Variants in FER1L6 observed in about 807,000 individuals in gnomAD.
FER1L6 encodes fer-1-like protein 6.
A neutral mutation model predicts 219.2 loss-of-function variants in FER1L6; 177 were observed. The ratio of observed to expected loss-of-function variants is 0.81; its 90% CI spans 0.71 to 0.91. The LOEUF is 0.91. Ranked by LOEUF, FER1L6 falls within the 40% of genes least tolerant of loss-of-function variation. FER1L6 has a pLI of 0.00. For synonymous variants in FER1L6, 768 were observed against 824.3 expected (o/e 0.93, Z 1.17); for missense variants, 2,153 against 2,259.9 (o/e 0.95, Z 0.96).
At chr8:124,004,627 A>T (rs1817575652) in intron 13 of FER1L6, among the ~76,000 whole-genome samples, 1 of 151,978 alleles carries the variant, frequency 6.6e-6, no homozygotes, top group South Asian at 2.1e-4. Flanking sequence ...TTGTCTTCAC[A>T]GACAACTTTT....
At chr8:123,965,947 A>G (rs1815514930) in intron 3 of FER1L6, 60 bp from the exon 4 acceptor site, 1 of 1,384,904 alleles carries the variant, frequency 7.2e-7, no homozygotes, top group East Asian at 2.4e-5. Context: ...GGAGAATATT[A>G]TCATGACTTA....
chr8:123,938,870 A>C (rs1586489472), intron 1 of FER1L6, among the ~76,000 whole-genome samples: 1 of 152,246 alleles, frequency 6.6e-6, no homozygotes, highest in South Asian at 2.1e-4. Flanking sequence ...TTGAGATGAC[A>C]CCTATTTCAA....
chr8:124,072,078 A>G (rs944045591), intron 31 of FER1L6, among the ~76,000 whole-genome samples: 1 of 152,130 alleles, frequency 6.6e-6, no homozygotes, highest in Non-Finnish European at 1.5e-5. Flanking sequence ...GGCTTTTCTG[A>G]GCATATAGGA....
chr8:123,857,930 C>G (rs1387364867), intron 1 of FER1L6, among the ~76,000 whole-genome samples: 1 of 152,166 alleles, frequency 6.6e-6, no homozygotes, highest in Non-Finnish European at 1.5e-5. Context: ...CATTTCACTC[C>G]AGAGTGGCCC....
chr8:124,099,275 C>T (rs559708359), intron 37 of FER1L6, among the ~76,000 whole-genome samples: 1 of 152,274 alleles, frequency 6.6e-6, no homozygotes, highest in East Asian at 1.9e-4. Context: ...AACTCCTGTT[C>T]CCGATGTGTA....
At chr8:123,886,130 C>G (rs1335648714) in intron 1 of FER1L6, among the ~76,000 whole-genome samples, 1 of 152,194 alleles carries the variant, frequency 6.6e-6, no homozygotes, top group African/African-American at 2.4e-5. Context: ...ATTATAATTG[C>G]TCGATTCCTT....
intron 28 of FER1L6, among the ~76,000 whole-genome samples, chr8:124,068,516 C>A (rs1382057900): frequency 6.6e-6 from 1 of 152,196 alleles, no homozygotes; most frequent in Non-Finnish European, 1.5e-5. Flanking sequence ...GCAGAGCCTA[C>A]TGCTAAAAAA....
At chr8:123,956,199 C>A (rs2130129071) in intron 2 of FER1L6, 125 bp downstream of exon 2, 1 of 847,538 alleles carries the variant, frequency 1.2e-6, no homozygotes. Context: ...CTGCCCCCGA[C>A]CCTTTAGGTC....
chr8:124,011,642 C>A (rs992996187), intron 14 of FER1L6, among the ~76,000 whole-genome samples: 11 of 150,420 alleles, frequency 7.3e-5, no homozygotes, highest in African/African-American at 2.7e-4. Context: ...TGCCACCATG[C>A]CTGACTTTTT....
intron 7 of FER1L6, among the ~76,000 whole-genome samples, chr8:123,974,830 T>A (rs1815991309): frequency 6.6e-6 from 1 of 151,934 alleles, no homozygotes; most frequent in Non-Finnish European, 1.5e-5. Context: ...GGGTAAATAA[T>A]ACGTATGTGA....
chr8:123,956,605 A>C (rs1815033708), intron 2 of FER1L6, among the ~76,000 whole-genome samples: 1 of 152,246 alleles, frequency 6.6e-6, no homozygotes, highest in Non-Finnish European at 1.5e-5. Context: ...AGTGTGGAAG[A>C]GATGCTGCAG....
rs374887583 is a variant in FER1L6, at chr8:123,853,552, T to G, written c.-8+1367T>G. On this transcript the variant is annotated intron_variant, in intron 1 of 40. Coordinates refer to ENST00000522917, the MANE Select transcript of FER1L6 (RefSeq NM_001039112.2). The surrounding 1 kb of genome is among the most constrained non-coding windows in gnomAD (Gnocchi z 6.6). ...TTTGGACCCAAGGCTGTTGAAAAATTGTTACTTTTTTCCTGGGGTATTGTA... is the reference window on the plus strand; with the variant it reads ...TTTGGACCCAAGGCTGTTGAAAAATGGTTACTTTTTTCCTGGGGTATTGTA... 5.9e-5 allele frequency among the ~76,000 whole-genome samples: 9 copies of G among 152,236 alleles called. 1 individual carries two copies. The East Asian group carries it at 7.7e-4, about 13-fold the overall frequency.
chr8:123,996,904 T>C (rs1817158710), intron 12 of FER1L6, among the ~76,000 whole-genome samples: 1 of 152,140 alleles, frequency 6.6e-6, no homozygotes, highest in Admixed American at 6.5e-5. Flanking sequence ...AGAAAATGAA[T>C]AAAAACTCTA....
intron 1 of FER1L6, among the ~76,000 whole-genome samples, chr8:123,908,278 C>T (rs969478704): frequency 6.6e-6 from 1 of 152,196 alleles, no homozygotes; most frequent in Admixed American, 6.5e-5. Context: ...TGATTTAATC[C>T]TCACCTGGGG....
intron 1 of FER1L6, among the ~76,000 whole-genome samples, chr8:123,900,451 G>T (rs550494080): frequency 1.3e-5 from 2 of 152,230 alleles, no homozygotes; most frequent in African/African-American, 4.8e-5. Context: ...GTGACAGTTT[G>T]ACTTCCTTTT....
At chr8:123,869,974 A>T (rs1816898311) in intron 1 of FER1L6, among the ~76,000 whole-genome samples, 1 of 151,696 alleles carries the variant, frequency 6.6e-6, no homozygotes, top group Non-Finnish European at 1.5e-5. Flanking sequence ...AACAATACTG[A>T]AACAATGTTG....
intron 8 of FER1L6, 30 bp from the exon 9 acceptor site, chr8:123,975,868 C>T (rs1400699937): frequency 6.6e-7 from 1 of 1,508,346 alleles, no homozygotes. Context: ...ATTGAGAGAG[C>T]TTTTTCATTT....
rs1342797420 is a variant in FER1L6 at position 124,064,332 on chromosome 8, G to A, written c.3329-15G>A. 1.9e-6 allele frequency: 3 copies of A among 1,608,224 alleles called. No individual in the cohort carries two copies. In the South Asian group the frequency reaches 3.3e-5, roughly 18 times the overall value. ...ATGCAGCCCAGCTCCCTGACCTGAT[G>A]TGCTTTCATTTCAGATATTTCAGAT... On this transcript the variant is annotated splice_polypyrimidine_tract_variant and intron_variant, in intron 25 of 40. Coordinates refer to ENST00000522917, the MANE Select transcript of FER1L6 (RefSeq NM_001039112.2).
chr8:123,996,965 G>A (rs1183197659), intron 12 of FER1L6, among the ~76,000 whole-genome samples: 3 of 151,968 alleles, frequency 2.0e-5, no homozygotes, highest in Non-Finnish European at 2.9e-5. Context: ...TACTGTCCAT[G>A]TCTTAAAGTT....
Sources: allele counts gnomAD v4.1 joint callset (sites outside exome capture counted in the v4.1 genomes callset), GRCh38; gene constraint gnomAD v4.1.1; non-coding constraint Gnocchi (gnomAD v3.1); transcripts MANE v1.5; gene names NCBI Gene and HGNC (gene_info 2026-07-23, HGNC 2026-07-21).